MAFK: variants seen among roughly 807,000 people sequenced by gnomAD.
MAFK encodes MAF bZIP transcription factor K.
In MAFK, 1 loss-of-function variant was observed where a neutral mutation model predicts 9.2. That is an observed-to-expected ratio of 0.11 (90% CI 0.04 to 0.52). The LOEUF is 0.52. MAFK is among the 20% of genes least tolerant of loss of function. MAFK has a pLI of 0.94. For missense variants in MAFK, 207 were observed against 236.0 expected (o/e 0.88, Z 0.81); for synonymous variants, 110 against 107.4 (o/e 1.02, Z -0.15).
Position 1,532,385 on chromosome 7 carries a change from A to C in MAFK, c.-45+1487A>C, listed in dbSNP as rs1169880946. 6.6e-6 allele frequency among the ~76,000 whole-genome samples: 1 copy of C among 152,206 alleles called. No individual in the cohort carries two copies. Among genetic ancestry groups the C allele is most frequent in the Admixed American group, 6.5e-5 (1 of 15,280 alleles). On this transcript the variant is annotated intron_variant, in intron 1 of 2. Transcript: ENST00000343242. This position sits in a 1 kb window ranked among gnomAD's most constrained non-coding sequence, Gnocchi z 4.5. ...ATGAGAACATCTCCCTTTCTTAGGT[A>C]ACCCAGTAGGAATGTCTGAGTTTGA...
In MAFK at chr7:1,540,270, C is replaced by A. The variant is rs1289157389; in HGVS notation, c.366C>A (p.Ala122=). 1 of 1,611,250 alleles carries A rather than the reference C, an allele frequency of 6.2e-7. No homozygotes were observed. Among genetic ancestry groups the A allele is most frequent in the African/African-American group, 1.3e-5 (1 of 74,882 alleles). ...EALQTFARTV[A]RGPVAPSKVA... ...TGCAGACCTTCGCGCGCACCGTGGC[C>A]CGGGGACCTGTGGCGCCCTCCAAGG... The change falls in exon 3 of 3, where the codon GCC becomes GCA. Residue 122 remains alanine, a synonymous_variant. Coordinates refer to ENST00000343242, the MANE Select transcript of MAFK (RefSeq NM_002360.4).
Position 1,540,858 on chromosome 7 carries a change from C to G in MAFK, c.*483C>G. On this transcript the variant is annotated 3_prime_UTR_variant, in exon 3 of 3. Coordinates refer to ENST00000343242, the MANE Select transcript of MAFK (RefSeq NM_002360.4). Reference sequence around the variant, plus strand: ...GGGAGCCCCTCACTGCCCTGACCGACTCCGCAGTCCCCGGGGAGGAGCATG... The same window carrying G: ...GGGAGCCCCTCACTGCCCTGACCGAGTCCGCAGTCCCCGGGGAGGAGCATG... The G allele has an allele frequency of 6.1e-6, 1 of 163,500 alleles. No individual in the cohort carries two copies. The highest frequency in any genetic ancestry group is 1.3e-5 in the Non-Finnish European group (1 of 75,532). The allele number at this position is 163,500 out of a possible 1,614,324, so 10.1% of individuals were successfully genotyped here.
chr7:1,539,811 CG>C, intron 2 of MAFK, 129 bp from the exon 3 acceptor site: 3 of 756,782 alleles, frequency 4.0e-6, no homozygotes, highest in Non-Finnish European at 6.2e-6. Context: ...GTCCCTGGTG[CG>C]GATGGCGAAG....
chr7:1,540,068 G>A lies in MAFK; in HGVS notation c.164G>A (p.Arg55His), dbSNP rs780987418. ...TKEEVTRLKQRRRTLKNRGYA... is the reference protein window; with the variant it reads ...TKEEVTRLKQHRRTLKNRGYA... The stretch of plus-strand genomic sequence containing the variant: ...GAGGAGGTGACCCGCCTGAAGCAGC[G>A]TCGGCGCACACTCAAGAACCGCGGC... The change falls in exon 3 of 3, where the codon CGT becomes CAT. Residue 55 changes from arginine (R) to histidine (H), a missense_variant. Arg to His is a conservative substitution (Grantham distance 29). Coordinates refer to ENST00000343242, the MANE Select transcript of MAFK (RefSeq NM_002360.4). 3.8e-6 allele frequency: 6 copies of A among 1,561,318 alleles called. No homozygotes were observed. The highest frequency in any genetic ancestry group is 2.4e-5 in the South Asian group (2 of 84,972).
intron 1 of MAFK, among the ~76,000 whole-genome samples, chr7:1,533,906 C>A (rs1374685405): frequency 6.6e-6 from 1 of 152,042 alleles, no homozygotes; most frequent in Non-Finnish European, 1.5e-5. Flanking sequence ...GAGCTGGAGG[C>A]CGAGGACAGG....
At position 1,532,517 on chromosome 7, in the gene MAFK, C is replaced by T. The variant is rs1028256223; in HGVS notation, c.-45+1619C>T. On this transcript the variant is annotated intron_variant, in intron 1 of 2. Transcript: ENST00000343242. This position sits in a 1 kb window ranked among gnomAD's most constrained non-coding sequence, Gnocchi z 4.5. ...CTTCTCCTGCCTTTTATCCTTGAACCGAGCCAGGGCTTTGAGGGGCTGGTT... is the reference window on the plus strand; with the variant it reads ...CTTCTCCTGCCTTTTATCCTTGAACTGAGCCAGGGCTTTGAGGGGCTGGTT... Among the ~76,000 whole-genome samples the T allele has an allele frequency of 2.0e-5, 3 of 152,166 alleles. No homozygotes were observed. The highest frequency in any genetic ancestry group is 2.9e-5 in the Non-Finnish European group (2 of 68,028).
rs1271133893 is a variant in MAFK, at chr7:1,541,991, G to A, written c.*1616G>A. The A allele has an allele frequency of 6.6e-6, 1 of 152,286 alleles. No individual in the cohort carries two copies. The highest frequency in any genetic ancestry group is 2.4e-5 in the African/African-American group (1 of 41,458). 9.4% of individuals were successfully genotyped at this position (152,286 alleles called of 1,614,324 possible). ...AGTAACAGCCCCCACCAGCTACAGA[G>A]CCCAGGCGGGTGCCAGCCACGCTGG... On this transcript the variant is annotated 3_prime_UTR_variant, in exon 3 of 3. Transcript: ENST00000343242.
In MAFK at chr7:1,534,694, T is replaced by G. The variant is rs1783985686; in HGVS notation, c.-45+3796T>G. The G allele has an allele frequency of 2.2e-6, 1 of 454,874 alleles. No homozygotes were observed. The highest frequency in any genetic ancestry group is 4.4e-6 in the Non-Finnish European group (1 of 225,932). The allele number at this position is 454,874 out of a possible 1,614,324, so 28.2% of individuals were successfully genotyped here. On this transcript the variant is annotated intron_variant, in intron 1 of 2. Transcript: ENST00000343242. The surrounding 1 kb of genome is among the most constrained non-coding windows in gnomAD (Gnocchi z 4.3). ...GAGGGGGTGGGGCATGGAGTCTGTG[T>G]CATCATTCACCCCTTGGGCAAGAAC...
chr7:1,539,279 C>G (rs1784112796), intron 2 of MAFK, 51 bp downstream of exon 2: 1 of 1,471,734 alleles, frequency 6.8e-7, no homozygotes, highest in Non-Finnish European at 9.2e-7. Flanking sequence ...GTGGGAAAGG[C>G]CCCCGGCCCG....
In MAFK at chr7:1,537,735, C is replaced by T. The variant is rs940632680; in HGVS notation, c.-44-1414C>T. ...TCTTGTTGTGGGGGTTTGTGGGTTG[C>T]GGGGGTGGGGCCCCCATCGGAGGCA... On this transcript the variant is annotated intron_variant, in intron 1 of 2. Transcript: ENST00000343242. The T allele has an allele frequency of 4.3e-5, 42 of 981,946 alleles. No individual in the cohort carries two copies. In the East Asian group the frequency reaches 1.3e-3, roughly 29 times the overall value. The allele number at this position is 981,946 out of a possible 1,614,324, so 60.8% of individuals were successfully genotyped here. A position where few individuals can be genotyped will look rare whatever the true frequency, so the allele number is the denominator to read the frequency against.
chr7:1,539,181 C>A lies in MAFK; in HGVS notation c.-12C>A. The A allele has an allele frequency of 6.2e-7, 1 of 1,612,968 alleles. No individual in the cohort carries two copies. Among genetic ancestry groups the A allele is most frequent in the Non-Finnish European group, 8.5e-7 (1 of 1,179,530 alleles). ...TTCCAGGGAGCTCTGTCCTGGTGAC[C>A]GTGCCCGGGTTATGACGACTAATCC... On this transcript the variant is annotated 5_prime_UTR_variant, in exon 2 of 3. Transcript: ENST00000343242.
Position 1,540,352 on chromosome 7 carries a change from G to C in MAFK, c.448G>C (p.Val150Leu), listed in dbSNP as rs764118333. ...VKSTELSSTS[V>L]PFSAAS ...GTCCACCGAGCTCTCCTCCACCTCC[G>C]TGCCCTTCTCGGCTGCATCCTAGTG... Residue 150 changes from valine (V) to leucine (L), a missense_variant, in exon 3 of 3, where the codon GTG becomes CTG. Transcript: ENST00000343242. The C allele has an allele frequency of 6.3e-7, 1 of 1,599,432 alleles. No homozygotes were observed. Among genetic ancestry groups the C allele is most frequent in the Non-Finnish European group, 8.5e-7 (1 of 1,171,560 alleles).
chr7:1,532,118 C>T lies in MAFK; in HGVS notation c.-45+1220C>T, dbSNP rs1223627865. The stretch of plus-strand genomic sequence containing the variant: ...CGGCTCTGGCAGCGCCCTTCCCACC[C>T]CTCTGATTCTCCAGGGTGGGCTGCC... On this transcript the variant is annotated intron_variant, in intron 1 of 2. Coordinates refer to ENST00000343242, the MANE Select transcript of MAFK (RefSeq NM_002360.4). The surrounding 1 kb of genome is among the most constrained non-coding windows in gnomAD (Gnocchi z 4.5). 6.6e-6 allele frequency among the ~76,000 whole-genome samples: 1 copy of T among 152,226 alleles called. No individual in the cohort carries two copies. The highest frequency in any genetic ancestry group is 1.5e-5 in the Non-Finnish European group (1 of 68,034).
At chr7:1,536,042 C>G (rs1784019640) in intron 1 of MAFK, among the ~76,000 whole-genome samples, 1 of 152,218 alleles carries the variant, frequency 6.6e-6, no homozygotes, top group South Asian at 2.1e-4. Context: ...GGTTGAAAAC[C>G]CTGCCTCTTC....
Position 1,534,453 on chromosome 7 carries a change from T to C in MAFK, c.-45+3555T>C, listed in dbSNP as rs984400374. On this transcript the variant is annotated intron_variant, in intron 1 of 2. Transcript: ENST00000343242. The surrounding 1 kb of genome is among the most constrained non-coding windows in gnomAD (Gnocchi z 4.3). ...TTGGGTGGCCTCTGGTTTTGTGGAT[T>C]GCACCTGCCGTGGGAGTCACTGGTC... 1.1e-5 allele frequency: 5 copies of C among 435,514 alleles called. No homozygotes were observed. Among genetic ancestry groups the C allele is most frequent in the African/African-American group, 2.0e-5 (1 of 49,696 alleles). 27.0% of individuals were successfully genotyped at this position (435,514 alleles called of 1,614,324 possible).
chr7:1,542,234 A>T lies in MAFK; in HGVS notation c.*1859A>T, dbSNP rs1167005998. On this transcript the variant is annotated 3_prime_UTR_variant, in exon 3 of 3. Transcript: ENST00000343242. ...ATTTAAAGAGAGAAACAGAAAATAT[A>T]TAGAGATATAAAATTATATTCACAG... The T allele has an allele frequency of 1.3e-5, 2 of 152,594 alleles. No homozygotes were observed. Among genetic ancestry groups the T allele is most frequent in the African/African-American group, 4.8e-5 (2 of 41,460 alleles). The allele number at this position is 152,594 out of a possible 1,614,324, so 9.5% of individuals were successfully genotyped here.
At chr7:1,539,866 C>T (rs1019916789) in intron 2 of MAFK, 75 bp from the exon 3 acceptor site, 4 of 1,322,330 alleles carry the variant, frequency 3.0e-6, no homozygotes, top group South Asian at 3.0e-5. Flanking sequence ...CGCTGGGTTC[C>T]TGGCCACCCC....
At position 1,534,867 on chromosome 7, in the gene MAFK, T is replaced by G. The variant is rs913240882; in HGVS notation, c.-45+3969T>G. 2 of 310,726 alleles carry G rather than the reference T, an allele frequency of 6.4e-6. No individual in the cohort carries two copies. Among genetic ancestry groups the G allele is most frequent in the Non-Finnish European group, 1.3e-5 (2 of 152,782 alleles). 19.2% of individuals were successfully genotyped at this position (310,726 alleles called of 1,614,324 possible). A position where few individuals can be genotyped will look rare whatever the true frequency, so the allele number is the denominator to read the frequency against. On this transcript the variant is annotated intron_variant, in intron 1 of 2. Coordinates refer to ENST00000343242, the MANE Select transcript of MAFK (RefSeq NM_002360.4). The surrounding 1 kb of genome is among the most constrained non-coding windows in gnomAD (Gnocchi z 4.3). ...CAGCCGGGACCGTTCAGAGGGGTCATCCAGCCGTCAGCTGCTCAACTCACT... is the reference window on the plus strand; with the variant it reads ...CAGCCGGGACCGTTCAGAGGGGTCAGCCAGCCGTCAGCTGCTCAACTCACT...
At position 1,534,661 on chromosome 7, in the gene MAFK, G is replaced by C; in HGVS notation, c.-45+3763G>C. 1 of 455,930 alleles carries C rather than the reference G, an allele frequency of 2.2e-6. No homozygotes were observed. The highest frequency in any genetic ancestry group is 1.5e-5 in the South Asian group (1 of 64,558). 28.2% of individuals were successfully genotyped at this position (455,930 alleles called of 1,614,324 possible). A position where few individuals can be genotyped will look rare whatever the true frequency, so the allele number is the denominator to read the frequency against. On this transcript the variant is annotated intron_variant, in intron 1 of 2. Transcript: ENST00000343242. The surrounding 1 kb of genome is among the most constrained non-coding windows in gnomAD (Gnocchi z 4.3). ...CCACTCCGTCTTGGTCAGACTGGCT[G>C]GGCAGCTGAGGGGGTGGGGCATGGA...
Sources: gnomAD v4.1 joint callset for allele counts (sites outside exome capture counted in the v4.1 genomes callset) on GRCh38, gnomAD v4.1.1 for gene constraint, Gnocchi (gnomAD v3.1) non-coding constraint, MANE v1.5 for transcripts, NCBI Gene and HGNC (gene_info 2026-07-23, HGNC 2026-07-21) for gene names.